Variants in HELLS observed in about 807,000 individuals in gnomAD.
The protein encoded by HELLS is helicase, lymphoid specific.
In HELLS, 32 loss-of-function variants were observed where a neutral mutation model predicts 120.0. That is an observed-to-expected ratio of 0.27 (90% CI 0.20 to 0.36). The LOEUF (loss-of-function observed/expected upper bound fraction) is 0.36, where lower values mean the gene tolerates loss of function less well. HELLS is among the 10% of genes least tolerant of loss of function. HELLS has a pLI of 1.00. For missense variants in HELLS, 650 were observed against 993.4 expected, an observed-to-expected ratio of 0.65 and a Z score of 4.65; for synonymous variants, 341 against 323.4, an observed-to-expected ratio of 1.05 and a Z score of -0.58.
intron 9 of HELLS, among the ~76,000 whole-genome samples, chr10:94,609,424 T>A (rs754634092): frequency 6.6e-6 from 1 of 152,180 alleles, no homozygotes; most frequent in Non-Finnish European, 1.5e-5. Context: ...ATAATCCGTA[T>A]TACCATGGAT....
downstream of HELLS, among the ~76,000 whole-genome samples, chr10:94,602,587 G>T (rs1261179473): frequency 6.6e-6 from 1 of 152,102 alleles, no homozygotes; most frequent in Non-Finnish European, 1.5e-5. Context: ...TATTGCTGTT[G>T]CCATGTATAT....
intron 12 of HELLS, among the ~76,000 whole-genome samples, chr10:94,585,372 T>G (rs971636535): frequency 3.9e-5 from 5 of 129,414 alleles, no homozygotes; most frequent in African/African-American, 5.8e-5. Context: ...GTTTTTTTTT[T>G]TTGTTTGTTT....
chr10:94,558,674 T>A (rs1456809664), intron 4 of HELLS, among the ~76,000 whole-genome samples: 1 of 152,082 alleles, frequency 6.6e-6, no homozygotes, highest in Non-Finnish European at 1.5e-5. Flanking sequence ...CAATCTCGGC[T>A]CACTGCAAGC....
chr10:94,561,160 CAG>C (rs1253435799), intron 4 of HELLS, among the ~76,000 whole-genome samples: 2 of 151,848 alleles, frequency 1.3e-5, no homozygotes, highest in Non-Finnish European at 2.9e-5. Context: ...TTCATAGAGA[CAG>C]AGCTTCACTA....
downstream of HELLS, among the ~76,000 whole-genome samples, chr10:94,604,724 A>G (rs1375966957): frequency 1.3e-5 from 2 of 152,132 alleles, no homozygotes; most frequent in Non-Finnish European, 2.9e-5. Flanking sequence ...ATGGCTGTGT[A>G]AGTATTATTA....
chr10:94,573,806 G>C (rs1844301666), intron 7 of HELLS, among the ~76,000 whole-genome samples, 154 bp from the exon 8 acceptor site: 1 of 151,688 alleles, frequency 6.6e-6, no homozygotes, highest in African/African-American at 2.4e-5. Context: ...GAGGGATGGC[G>C]ATGTCTCCAG....
intron 6 of HELLS, among the ~76,000 whole-genome samples, chr10:94,565,928 A>G (rs1263047387): frequency 1.3e-5 from 2 of 151,090 alleles, no homozygotes; most frequent in Non-Finnish European, 2.9e-5. Flanking sequence ...CAGTGTTTCT[A>G]TTACCCTGGC....
chr10:94,555,806 T>C (rs999985740), intron 3 of HELLS, among the ~76,000 whole-genome samples: 2 of 152,106 alleles, frequency 1.3e-5, no homozygotes, highest in Non-Finnish European at 2.9e-5. Context: ...TTTTTGTATT[T>C]TTTGTAGAGA....
chr10:94,585,066 T>G (rs1169442132), intron 12 of HELLS, among the ~76,000 whole-genome samples: 1 of 152,068 alleles, frequency 6.6e-6, no homozygotes. Context: ...TCCTTTCCTT[T>G]TTTTATGCAA....
chr10:94,569,027 A>T (rs1264408112), intron 6 of HELLS, among the ~76,000 whole-genome samples: 1 of 151,912 alleles, frequency 6.6e-6, no homozygotes, highest in Non-Finnish European at 1.5e-5. Context: ...TTTATCAGAG[A>T]TGGGGTTTCT....
chr10:94,554,908 G>A (rs1449025981), intron 3 of HELLS, among the ~76,000 whole-genome samples: 2 of 152,106 alleles, frequency 1.3e-5, no homozygotes, highest in East Asian at 3.9e-4. Flanking sequence ...CAGCACTTTG[G>A]GGAGCCTAGG....
chr10:94,571,405 TAAAAA>T lies in HELLS; in HGVS notation c.457_461del (p.Lys153Ter). ...ACTACTAGGAAATTTTGTCTGTGGC[TAAAAA>T]AAATAAAAAGGAGAATGAGGTAAGA... is the stretch of plus-strand genomic sequence containing the variant. On this transcript the variant is annotated frameshift_variant, in exon 7 of 22. Transcript: ENST00000348459. LOFTEE classifies it high-confidence loss of function. The T allele has an allele frequency of 6.7e-7, 1 of 1,490,866 alleles. No homozygotes were observed. The allele number at this position is 1,490,866 out of a possible 1,614,324, so 92.4% of individuals were successfully genotyped here. A position where few individuals can be genotyped will look rare whatever the true frequency, so the allele number is the denominator to read the frequency against.
chr10:94,582,779 AC>A (rs1230401635), intron 11 of HELLS, among the ~76,000 whole-genome samples, 183 bp from the exon 12 acceptor site: 1 of 152,138 alleles, frequency 6.6e-6, no homozygotes, highest in East Asian at 1.9e-4. Context: ...CAAAAATGCA[AC>A]CAATTTATCT....
At position 94,592,278 on chromosome 10, in the gene HELLS, G is replaced by A. The variant is rs948418095; in HGVS notation, c.1817G>A (p.Arg606Gln). The A allele has an allele frequency of 9.3e-6, 15 of 1,611,894 alleles. No individual in the cohort carries two copies. Among genetic ancestry groups the A allele is most frequent in the East Asian group, 2.2e-5 (1 of 44,730 alleles). The change falls in exon 16 of 22, where the codon CGA (arginine) becomes CAA (glutamine). Residue 606 changes from arginine to glutamine, a missense_variant. This residue lies in a region of HELLS where 191 missense variants were observed against 259.7 expected (regional missense o/e 0.74). Transcript: ENST00000348459. Reference sequence around the variant, plus strand: ...TCTGGGAAGTTCTTGATTTTGGATCGAATGCTGCCAGAACTAAAAAAAAGA... The same window carrying A: ...TCTGGGAAGTTCTTGATTTTGGATCAAATGCTGCCAGAACTAAAAAAAAGA... ...TNSGKFLILD[R>Q]MLPELKKRGH...
At position 94,574,744 on chromosome 10, in the gene HELLS, A is replaced by T. The variant is rs1229981868; in HGVS notation, c.888+8A>T. On this transcript the variant is annotated splice_region_variant and intron_variant, in intron 9 of 21. Transcript: ENST00000348459. ...AAAAGATTTACACCAGATGTAAGAC[A>T]TGCTTCCTTATGTTAAAATTATAAT... The T allele has an allele frequency of 6.3e-7, 1 of 1,591,798 alleles. No homozygotes were observed. The highest frequency in any genetic ancestry group is 8.6e-7 in the Non-Finnish European group (1 of 1,166,812).
chr10:94,546,221 G>C (rs1842746576), intron 1 of HELLS, among the ~76,000 whole-genome samples, 156 bp from the exon 2 acceptor site: 1 of 152,170 alleles, frequency 6.6e-6, no homozygotes, highest in South Asian at 2.1e-4. Context: ...ACATTGTGAA[G>C]ACTTACGGTG....
chr10:94,554,651 T>G (rs1254455644), intron 3 of HELLS, among the ~76,000 whole-genome samples: 2 of 141,300 alleles, frequency 1.4e-5, no homozygotes, highest in African/African-American at 2.6e-5. Context: ...AGTGTTTTTT[T>G]TTTTGTTTTT....
At chr10:94,565,782 G>C (rs920914491) in intron 6 of HELLS, among the ~76,000 whole-genome samples, 4 of 152,208 alleles carry the variant, frequency 2.6e-5, no homozygotes, top group African/African-American at 9.6e-5. Context: ...TGGAATATCG[G>C]TTTTGGGCAA....
At chr10:94,585,283 A>G (rs1196997018) in intron 12 of HELLS, among the ~76,000 whole-genome samples, 1 of 151,578 alleles carries the variant, frequency 6.6e-6, no homozygotes, top group Non-Finnish European at 1.5e-5. Context: ...GAAATTAAAA[A>G]GTAAGAAGTA....
Sources: gnomAD v4.1 joint callset for allele counts (sites outside exome capture counted in the v4.1 genomes callset) on GRCh38, gnomAD v4.1.1 for gene constraint, gnomAD v4.1.1 regional missense constraint, MANE v1.5 for transcripts, NCBI Gene and HGNC (gene_info 2026-07-23, HGNC 2026-07-21) for gene names.